PPFIA2: variants seen among roughly 807,000 people sequenced by gnomAD.
The protein encoded by PPFIA2 is liprin-alpha-2.
A neutral mutation model predicts 175.5 loss-of-function variants in PPFIA2; 46 were observed. The observed-to-expected ratio is 0.26, with a 90% CI of 0.21 to 0.34. PPFIA2 has a LOEUF of 0.34. Ranked by LOEUF, PPFIA2 falls within the 10% of genes least tolerant of loss-of-function variation. The pLI, the probability that PPFIA2 is intolerant of heterozygous loss-of-function variation, is 1.00. For synonymous variants in PPFIA2, 568 were observed against 511.4 expected (o/e 1.11, Z -1.49); for missense variants, 1,179 against 1,506.1 (o/e 0.78, Z 3.60).
At chr12:81,329,180 T>C (rs1198015270) in intron 21 of PPFIA2, among the ~76,000 whole-genome samples, 1 of 152,158 alleles carries the variant, frequency 6.6e-6, no homozygotes, top group African/African-American at 2.4e-5. Context: ...TACTCATTCT[T>C]CAGGAGGTCT....
At chr12:81,431,501 G>A (rs1416351575) in intron 7 of PPFIA2, 1 of 152,202 alleles carries the variant, frequency 6.6e-6, no homozygotes, top group East Asian at 1.9e-4. Context: ...ATTCAAAAAG[G>A]CCTAAAATTA....
At chr12:81,448,394 G>T (rs1036438737) in intron 5 of PPFIA2, among the ~76,000 whole-genome samples, 1 of 152,096 alleles carries the variant, frequency 6.6e-6, no homozygotes, top group Non-Finnish European at 1.5e-5. Context: ...TCTCCCCCTG[G>T]ATTATAATGG....
chr12:81,339,067 T>C (rs1434805350), intron 21 of PPFIA2, 113 bp downstream of exon 21: 1 of 1,027,628 alleles, frequency 9.7e-7, no homozygotes, highest in Non-Finnish European at 1.4e-6. Context: ...TTTTGTCAGG[T>C]AGAAAAGAGA....
chr12:81,582,372 A>G (rs1473589040), intron 4 of PPFIA2, among the ~76,000 whole-genome samples: 2 of 151,832 alleles, frequency 1.3e-5, no homozygotes, highest in Admixed American at 1.3e-4. Context: ...TTATATTGGC[A>G]GCATTTCATA....
intron 9 of PPFIA2, among the ~76,000 whole-genome samples, chr12:81,377,224 T>C (rs529179773): frequency 1.3e-5 from 2 of 152,010 alleles, no homozygotes; most frequent in Non-Finnish European, 2.9e-5. Flanking sequence ...AGAATTTTTG[T>C]ATATATAAAA....
At chr12:81,660,038 C>T (rs533865156) in intron 4 of PPFIA2, among the ~76,000 whole-genome samples, 2 of 152,194 alleles carry the variant, frequency 1.3e-5, no homozygotes, top group South Asian at 4.2e-4. Flanking sequence ...ACACCAAAAC[C>T]CCATCTGTAC....
chr12:81,562,339 G>A (rs1353673759), intron 4 of PPFIA2, among the ~76,000 whole-genome samples: 1 of 152,078 alleles, frequency 6.6e-6, no homozygotes, highest in Non-Finnish European at 1.5e-5. Context: ...TATAATTATA[G>A]CCAAAAATAA....
chr12:81,730,667 AC>A (rs1470198916), intron 3 of PPFIA2, among the ~76,000 whole-genome samples: 1 of 151,610 alleles, frequency 6.6e-6, no homozygotes, highest in Non-Finnish European at 1.5e-5. Context: ...CAAAACAAAC[AC>A]TTGGACCAGA....
chr12:81,561,898 A>C (rs2070181995), intron 4 of PPFIA2, among the ~76,000 whole-genome samples: 2 of 152,238 alleles, frequency 1.3e-5, no homozygotes. Context: ...TTAACCATGC[A>C]TCTACCTGGA....
intron 4 of PPFIA2, among the ~76,000 whole-genome samples, chr12:81,545,080 T>C (rs1446749986): frequency 6.9e-6 from 1 of 144,266 alleles, no homozygotes; most frequent in Non-Finnish European, 1.6e-5. Context: ...CTTCACAGGT[T>C]TTAGAAATAA....
intron 4 of PPFIA2, among the ~76,000 whole-genome samples, chr12:81,492,795 T>C (rs557403814): frequency 6.6e-6 from 1 of 152,164 alleles, no homozygotes; most frequent in East Asian, 1.9e-4. Flanking sequence ...TCTGTATAAA[T>C]GTAATCCTTT....
At chr12:81,564,294 A>C (rs2070836806) in intron 4 of PPFIA2, among the ~76,000 whole-genome samples, 1 of 152,128 alleles carries the variant, frequency 6.6e-6, no homozygotes, top group Non-Finnish European at 1.5e-5. Context: ...AAGGAAAGAA[A>C]CTTAGAGACT....
intron 7 of PPFIA2, among the ~76,000 whole-genome samples, chr12:81,418,243 T>C (rs1367319180): frequency 1.3e-5 from 2 of 151,988 alleles, no homozygotes; most frequent in South Asian, 4.1e-4. Flanking sequence ...TAGCCTTCTA[T>C]TTCCAGAGTA....
At chr12:81,569,909 T>C (rs1007764336) in intron 4 of PPFIA2, among the ~76,000 whole-genome samples, 3 of 152,240 alleles carry the variant, frequency 2.0e-5, no homozygotes, top group South Asian at 2.1e-4. Flanking sequence ...TAATAGGCAG[T>C]GAGGGCATTT....
rs1174729948 is a variant in PPFIA2 at position 81,642,654 on chromosome 12, G to A, written c.303+34137C>T. ...ATATCTATTATATACATACATGTAT[G>A]TATCTATTATATACATACATGTATG... On this transcript the variant is annotated intron_variant, in intron 4 of 32. Transcript: ENST00000549396. Among the ~76,000 whole-genome samples the A allele has an allele frequency of 7.5e-4, 85 of 113,620 alleles. 7 individuals carry two copies. The highest frequency in any genetic ancestry group is 2.5e-3 in the African/African-American group (82 of 32,500). 74.5% of individuals were successfully genotyped at this position (113,620 alleles called of 152,430 possible). A position where few individuals can be genotyped will look rare whatever the true frequency, so the allele number is the denominator to read the frequency against.
intron 9 of PPFIA2, among the ~76,000 whole-genome samples, chr12:81,381,593 C>A (rs78053202): frequency 6.6e-6 from 1 of 152,000 alleles, no homozygotes; most frequent in African/African-American, 2.4e-5. Context: ...GATTTGATAG[C>A]CAGAAATCCT....
At chr12:81,469,947 A>G (rs1349390318) in intron 4 of PPFIA2, among the ~76,000 whole-genome samples, 5 of 152,214 alleles carry the variant, frequency 3.3e-5, no homozygotes, top group Admixed American at 3.3e-4. Context: ...GCCATCTGCA[A>G]GCCAGAACGA....
At chr12:81,604,480 T>TTTTA (rs1245061710) in intron 4 of PPFIA2, among the ~76,000 whole-genome samples, 1 of 151,766 alleles carries the variant, frequency 6.6e-6, no homozygotes, top group East Asian at 1.9e-4. Context: ...GGTTAGTATA[T>TTTTA]TTTAACATCT....
chr12:81,454,995 T>G (rs73157849), intron 5 of PPFIA2, among the ~76,000 whole-genome samples: 380 of 152,250 alleles, frequency 2.5e-3, no homozygotes, highest in Non-Finnish European at 3.8e-3. Context: ...GTTACAGGCA[T>G]GTGCCACCAT....
Sources: gnomAD v4.1 joint callset for allele counts (sites outside exome capture counted in the v4.1 genomes callset) on GRCh38, gnomAD v4.1.1 for gene constraint, MANE v1.5 for transcripts, NCBI Gene and HGNC (gene_info 2026-07-23, HGNC 2026-07-21) for gene names.